The following CTNND2 variants were observed in gnomAD, a reference collection of about 807,000 sequenced individuals.
The protein encoded by CTNND2 is catenin delta 2, also known as catenin delta-2.
A neutral mutation model predicts 144.4 loss-of-function variants in CTNND2; 22 were observed. That is an observed-to-expected ratio of 0.15 (90% CI 0.11 to 0.22). CTNND2 has a LOEUF of 0.22. CTNND2 is among the 10% of genes least tolerant of loss of function. The pLI, the probability that CTNND2 is intolerant of heterozygous loss-of-function variation, is 1.00. For missense variants in CTNND2, 1,353 were observed against 1,618.8 expected (o/e 0.84, Z 2.82); for synonymous variants, 751 against 695.6 (o/e 1.08, Z -1.25).
At chr5:11,308,040 C>T (rs1750437037) in intron 9 of CTNND2, among the ~76,000 whole-genome samples, 1 of 152,142 alleles carries the variant, frequency 6.6e-6, no homozygotes, top group South Asian at 2.1e-4. Context: ...TGGCCCTCAC[C>T]ACACAACGAA....
At chr5:11,082,076 A>ACAT (rs1367696412) in intron 16 of CTNND2, among the ~76,000 whole-genome samples, 1 of 152,176 alleles carries the variant, frequency 6.6e-6, no homozygotes, top group Non-Finnish European at 1.5e-5. Context: ...TGCTTCTTGA[A>ACAT]CATCTCCTTC....
At chr5:11,133,361 CT>C (rs986178331) in intron 12 of CTNND2, among the ~76,000 whole-genome samples, 2 of 150,866 alleles carry the variant, frequency 1.3e-5, no homozygotes, top group Non-Finnish European at 3.0e-5. Context: ...TTTTCTTTTT[CT>C]TTTTTTTGAG....
chr5:11,619,949 T>A (rs951151337), intron 2 of CTNND2, among the ~76,000 whole-genome samples: 1 of 152,216 alleles, frequency 6.6e-6, no homozygotes, highest in African/African-American at 2.4e-5. Context: ...ACTTTAGTGA[T>A]TAGATATTTT....
intron 1 of CTNND2, among the ~76,000 whole-genome samples, chr5:11,753,156 T>G (rs1788720519): frequency 6.6e-6 from 1 of 151,892 alleles, no homozygotes; most frequent in Non-Finnish European, 1.5e-5. Context: ...TCTTCCTATT[T>G]GGATGCCTTT....
chr5:11,347,262 C>T (rs1046774251), intron 8 of CTNND2, among the ~76,000 whole-genome samples: 1 of 152,154 alleles, frequency 6.6e-6, no homozygotes, highest in African/African-American at 2.4e-5. Flanking sequence ...GAAGCTGTCA[C>T]AGAAACAAAC....
At chr5:11,480,282 T>C (rs1768122478) in intron 3 of CTNND2, among the ~76,000 whole-genome samples, 1 of 152,224 alleles carries the variant, frequency 6.6e-6, no homozygotes. Context: ...TACCCAATGA[T>C]TGTTTTTGTC....
At chr5:11,109,611 T>G (rs1580311247) in intron 14 of CTNND2, among the ~76,000 whole-genome samples, 1 of 152,336 alleles carries the variant, frequency 6.6e-6, no homozygotes, top group East Asian at 1.9e-4. Context: ...TGTTGTAGAC[T>G]AGATAACCTT....
chr5:11,876,125 C>T (rs1460490671), intron 1 of CTNND2, among the ~76,000 whole-genome samples: 1 of 152,238 alleles, frequency 6.6e-6, no homozygotes, highest in Middle Eastern at 3.4e-3. Flanking sequence ...CGATCATTCC[C>T]TATCCATGGT....
chr5:11,526,063 A>G (rs559012824), intron 3 of CTNND2, among the ~76,000 whole-genome samples: 18 of 152,172 alleles, frequency 1.2e-4, no homozygotes, highest in African/African-American at 4.1e-4. Flanking sequence ...GCCACCACAC[A>G]TGGCTAATTT....
At chr5:11,772,674 A>G (rs1228910256) in intron 1 of CTNND2, among the ~76,000 whole-genome samples, 1 of 152,186 alleles carries the variant, frequency 6.6e-6, no homozygotes, top group Non-Finnish European at 1.5e-5. Context: ...GAGTCCTGTG[A>G]TCTTTTGGCC....
chr5:11,117,428 A>C (rs1753665842), intron 13 of CTNND2, 22 bp downstream of exon 13: 1 of 1,576,868 alleles, frequency 6.3e-7, no homozygotes, highest in Non-Finnish European at 8.7e-7. Flanking sequence ...AAACATGTTT[A>C]ATCTATGCCA....
chr5:11,308,561 C>T (rs758888779), intron 9 of CTNND2, among the ~76,000 whole-genome samples: 4 of 152,234 alleles, frequency 2.6e-5, no homozygotes, highest in Non-Finnish European at 5.9e-5. Flanking sequence ...CCCTAACGTT[C>T]CACTAATCAC....
chr5:11,057,561 T>C (rs1276866090), intron 16 of CTNND2, among the ~76,000 whole-genome samples: 1 of 152,230 alleles, frequency 6.6e-6, no homozygotes, highest in Non-Finnish European at 1.5e-5. Context: ...AATAAACCTC[T>C]TTCTTTTGTA....
At chr5:11,335,025 T>A (rs1753594425) in intron 9 of CTNND2, among the ~76,000 whole-genome samples, 1 of 152,204 alleles carries the variant, frequency 6.6e-6, no homozygotes, top group Non-Finnish European at 1.5e-5. Flanking sequence ...TGGTATCTTC[T>A]TCTCTTTCTT....
chr5:11,755,467 C>A lies in CTNND2; in HGVS notation c.38-23195G>T, dbSNP rs112528548. Among the ~76,000 whole-genome samples the A allele has an allele frequency of 4.8e-3, 735 of 151,670 alleles. 9 individuals are homozygous for A. Among genetic ancestry groups the A allele is most frequent in the African/African-American group, 0.017 (717 of 41,432 alleles). ...ACCTTGCAGGCATTTTCTGCATTTC[C>A]TGAATTTGAATGTTGGCCTCTCTAG... On this transcript the variant is annotated intron_variant, in intron 1 of 21. Transcript: ENST00000304623.
intron 3 of CTNND2, among the ~76,000 whole-genome samples, chr5:11,486,340 G>A (rs1768826362): frequency 6.6e-6 from 1 of 152,134 alleles, no homozygotes; most frequent in African/African-American, 2.4e-5. Flanking sequence ...CACACTAGGT[G>A]ATAATATCCA....
chr5:11,132,704 C>T (rs940943859), intron 12 of CTNND2, among the ~76,000 whole-genome samples: 5 of 152,180 alleles, frequency 3.3e-5, no homozygotes, highest in Non-Finnish European at 7.3e-5. Context: ...CCCTGGAAAC[C>T]AACTCCTTAA....
intron 3 of CTNND2, among the ~76,000 whole-genome samples, chr5:11,564,436 A>G (rs958151536): frequency 6.6e-5 from 10 of 152,186 alleles, no homozygotes; most frequent in African/African-American, 2.4e-4. Flanking sequence ...ACTAATCACT[A>G]ATTGAATAAT....
intron 1 of CTNND2, among the ~76,000 whole-genome samples, chr5:11,840,043 A>C (rs963471063): frequency 2.0e-5 from 3 of 152,242 alleles, no homozygotes; most frequent in African/African-American, 7.2e-5. Flanking sequence ...TAATCAACAC[A>C]AAATCTTTTT....
Sources: allele counts gnomAD v4.1 joint callset (sites outside exome capture counted in the v4.1 genomes callset), GRCh38; gene constraint gnomAD v4.1.1; transcripts MANE v1.5; gene names NCBI Gene and HGNC (gene_info 2026-07-23, HGNC 2026-07-21).